PARD3: variants seen among roughly 807,000 people sequenced by gnomAD.
PARD3 encodes the protein par-3 family cell polarity regulator, also known as partitioning defective 3 homolog.
A neutral mutation model predicts 155.4 loss-of-function variants in PARD3; 75 were observed. That is an observed-to-expected ratio of 0.48 (90% CI 0.40 to 0.58). The LOEUF is 0.58. Ranked by LOEUF, PARD3 falls within the 20% of genes least tolerant of loss-of-function variation. The probability of loss-of-function intolerance (pLI) is 0.00; values close to 1 mark genes in which losing one functional copy is unlikely to be tolerated. For missense variants in PARD3, 1,642 were observed against 1,721.7 expected, an observed-to-expected ratio of 0.95 and a Z score of 0.82; for synonymous variants, 576 against 610.5, an observed-to-expected ratio of 0.94 and a Z score of 0.83.
chr10:34,714,143 T>C (rs1000814773), intron 1 of PARD3, among the ~76,000 whole-genome samples: 7 of 152,112 alleles, frequency 4.6e-5, no homozygotes, highest in Admixed American at 1.3e-4. Context: ...TGGCTCTGAA[T>C]CCTAAACAAA....
intron 10 of PARD3, among the ~76,000 whole-genome samples, chr10:34,375,488 T>C (rs182100766): frequency 2.6e-5 from 4 of 152,198 alleles, no homozygotes; most frequent in Admixed American, 2.6e-4. Flanking sequence ...TAAATATAAA[T>C]AAAACACTTT....
intron 15 of PARD3, chr10:34,344,209 T>C (rs1837133881): frequency 1.0e-6 from 1 of 985,212 alleles, no homozygotes; most frequent in Non-Finnish European, 1.2e-6. Flanking sequence ...TTTTACGAAA[T>C]GGATGTGCTG....
chr10:34,362,173 C>T (rs973690891), intron 12 of PARD3, among the ~76,000 whole-genome samples: 3 of 152,078 alleles, frequency 2.0e-5, no homozygotes, highest in African/African-American at 7.2e-5. Flanking sequence ...GTGGCGGGCA[C>T]CTGTAGTCCC....
At chr10:34,431,866 G>A (rs1229046256) in intron 5 of PARD3, among the ~76,000 whole-genome samples, 18 of 149,982 alleles carry the variant, frequency 1.2e-4, no homozygotes, top group African/African-American at 2.2e-4. Context: ...TGGCTAACAC[G>A]GTGAAACCCC....
intron 19 of PARD3, among the ~76,000 whole-genome samples, chr10:34,329,538 C>T (rs1357129972): frequency 6.6e-6 from 1 of 152,082 alleles, no homozygotes; most frequent in East Asian, 1.9e-4. Context: ...CCAGGTTTGG[C>T]AGCAAAAATA....
At chr10:34,712,531 T>A (rs2094462330) in intron 1 of PARD3, among the ~76,000 whole-genome samples, 1 of 152,136 alleles carries the variant, frequency 6.6e-6, no homozygotes, top group South Asian at 2.1e-4. Flanking sequence ...GACTAAGGAA[T>A]AGGACACTTG....
chr10:34,230,714 ACT>A lies in PARD3; in HGVS notation c.3419+38941_3419+38942del, dbSNP rs1239897014. Among the ~76,000 whole-genome samples the A allele has an allele frequency of 2.6e-5, 4 of 152,078 alleles. 1 individual carries two copies. Among genetic ancestry groups the A allele is most frequent in the African/African-American group, 9.7e-5 (4 of 41,344 alleles). On this transcript the variant is annotated intron_variant, in intron 22 of 24. Coordinates refer to ENST00000374788, the MANE Select transcript of PARD3 (RefSeq NM_001184785.2). Reference sequence around the variant, plus strand: ...TGGAGAGCAGAGAGGAAATTGTACAACTGGCAACTTAAAAAAACAAACTAGGG... The same window carrying A: ...TGGAGAGCAGAGAGGAAATTGTACAAGGCAACTTAAAAAAACAAACTAGGG...
chr10:34,331,159 C>T lies in PARD3; in HGVS notation c.2791G>A (p.Asp931Asn). 1 of 1,613,994 alleles carries T rather than the reference C, an allele frequency of 6.2e-7. No homozygotes were observed. Among genetic ancestry groups the T allele is most frequent in the Non-Finnish European group, 8.5e-7 (1 of 1,179,960 alleles). The change falls in exon 19 of 25, where the codon GAT becomes AAT. Residue 931 changes from aspartate to asparagine, a missense_variant. Around this residue, in one of 3 missense-constraint regions of PARD3, gnomAD observed 1,529 missense variants for 1,587.3 expected, o/e 0.96. Coordinates refer to ENST00000374788, the MANE Select transcript of PARD3 (RefSeq NM_001184785.2). ...SFRAAIDKSY[D>N]KPAVDDDDEG... ...TCATCATCATCTACCGCGGGTTTAT[C>T]ATAAGATTTGTCGATGGCAGCTCTG... is the stretch of plus-strand genomic sequence containing the variant.
At chr10:34,399,453 T>A in intron 6 of PARD3, 40 bp from the exon 7 acceptor site, 1 of 1,368,570 alleles carries the variant, frequency 7.3e-7, no homozygotes, top group Non-Finnish European at 1.0e-6. Flanking sequence ...GAACGTGTAC[T>A]GTAAACAAAC....
Position 34,233,516 on chromosome 10 carries a change from C to A in PARD3, c.3419+36141G>T, listed in dbSNP as rs199971483. ...CAGTCTACATGTCTTCTCTGTCCAC[C>A]ATATTCACATATCTAACCATTTGCT... On this transcript the variant is annotated intron_variant, in intron 22 of 24. Transcript: ENST00000374788. 5.8e-4 allele frequency among the ~76,000 whole-genome samples: 88 copies of A among 152,166 alleles called. 2 individuals carry two copies. The highest frequency in any genetic ancestry group is 2.1e-3 in the African/African-American group (85 of 41,452).
chr10:34,457,755 C>T (rs2077413079), intron 4 of PARD3, among the ~76,000 whole-genome samples: 1 of 152,156 alleles, frequency 6.6e-6, no homozygotes, highest in South Asian at 2.1e-4. Context: ...TGCAAGCCAA[C>T]ACACTCAGCT....
At chr10:34,419,805 T>C (rs1440188216) in intron 5 of PARD3, among the ~76,000 whole-genome samples, 1 of 152,236 alleles carries the variant, frequency 6.6e-6, no homozygotes, top group African/African-American at 2.4e-5. Context: ...ATTTTATACA[T>C]AGGACATATC....
intron 2 of PARD3, among the ~76,000 whole-genome samples, chr10:34,613,822 C>T (rs2091073214): frequency 6.6e-6 from 1 of 152,148 alleles, no homozygotes; most frequent in South Asian, 2.1e-4. Context: ...TGTGGAGAAA[C>T]CATTTTGCAT....
intron 1 of PARD3, among the ~76,000 whole-genome samples, chr10:34,753,487 T>G (rs1836317957): frequency 6.6e-6 from 1 of 152,188 alleles, no homozygotes; most frequent in Non-Finnish European, 1.5e-5. Flanking sequence ...CACACAAATA[T>G]TTCTAAAGAC....
chr10:34,413,150 C>CAA (rs1845280995), intron 5 of PARD3, among the ~76,000 whole-genome samples: 2 of 91,332 alleles, frequency 2.2e-5, no homozygotes, highest in Non-Finnish European at 5.5e-5. Flanking sequence ...TATATACACA[C>CAA]ACACACACAC....
At chr10:34,547,198 T>A (rs1306261639) in intron 2 of PARD3, among the ~76,000 whole-genome samples, 1 of 152,202 alleles carries the variant, frequency 6.6e-6, no homozygotes, top group African/African-American at 2.4e-5. Flanking sequence ...GTCAATTCAA[T>A]GAACATTAGC....
At chr10:34,519,257 T>C (rs1253009631) in intron 2 of PARD3, among the ~76,000 whole-genome samples, 1 of 152,126 alleles carries the variant, frequency 6.6e-6, no homozygotes. Context: ...TGAGATCTGA[T>C]TAGTTGACAG....
At chr10:34,364,812 A>G (rs1839812427) in intron 12 of PARD3, among the ~76,000 whole-genome samples, 1 of 152,214 alleles carries the variant, frequency 6.6e-6, no homozygotes, top group South Asian at 2.1e-4. Flanking sequence ...AGTCTGCATC[A>G]AACAGGAAAA....
intron 21 of PARD3, among the ~76,000 whole-genome samples, chr10:34,274,462 G>T (rs1253304624): frequency 6.6e-6 from 1 of 152,082 alleles, no homozygotes; most frequent in Non-Finnish European, 1.5e-5. Context: ...AGAGGAAAAT[G>T]AGTTCTTTCT....
Sources: gnomAD v4.1 joint callset for allele counts (sites outside exome capture counted in the v4.1 genomes callset) on GRCh38, gnomAD v4.1.1 for gene constraint, gnomAD v4.1.1 regional missense constraint, MANE v1.5 for transcripts, NCBI Gene and HGNC (gene_info 2026-07-23, HGNC 2026-07-21) for gene names.